Variants in ZNF169 observed in about 807,000 individuals in gnomAD.
The protein encoded by ZNF169 is zinc finger protein 169.
In ZNF169, 11 loss-of-function variants were observed where a neutral mutation model predicts 12.0. The observed-to-expected ratio is 0.92, with a 90% confidence interval of 0.58 to 1.52. The LOEUF (loss-of-function observed/expected upper bound fraction) is 1.52, where lower values mean the gene tolerates loss of function less well. Ranked by LOEUF, ZNF169 falls within the 40% of genes most tolerant of loss-of-function variation. The pLI, the probability that ZNF169 is intolerant of heterozygous loss-of-function variation, is 0.00. For missense variants in ZNF169, 722 were observed against 744.0 expected (o/e 0.97, Z 0.34); for synonymous variants, 302 against 286.5 (o/e 1.05, Z -0.55).
intron 2 of ZNF169, 45 bp downstream of exon 2, chr9:94,278,890 A>G (rs1483979791): frequency 1.2e-6 from 2 of 1,607,502 alleles, no homozygotes; most frequent in South Asian, 2.2e-5. Flanking sequence ...AAGGTTTCAT[A>G]ATCTTTTCTT....
At chr9:94,298,465 A>G (rs1830993961) in intron 4 of ZNF169, among the ~76,000 whole-genome samples, 1 of 151,394 alleles carries the variant, frequency 6.6e-6, no homozygotes, top group Non-Finnish European at 1.5e-5. Flanking sequence ...CGGATCACCT[A>G]AGGTCAGGAG....
Position 94,299,862 on chromosome 9 carries a change from T to G in ZNF169, c.304T>G (p.Ser102Ala), listed in dbSNP as rs771191188. The G allele has an allele frequency of 1.9e-6, 3 of 1,614,040 alleles. No individual in the cohort carries two copies. In the South Asian group the frequency reaches 3.3e-5, roughly 18 times the overall value. ...QPSFPHLVAF[S>A]SSQLLRQYAL... ...AAGTTTTCCCCACCTGGTGGCCTTT[T>G]CTAGCTCGCAGCTCCTCAGACAATA... The change falls in exon 5 of 5, where the codon TCT (serine) becomes GCT (alanine). Residue 102 changes from serine to alanine, a missense_variant. Ser to Ala is a moderately conservative substitution (Grantham distance 99). Transcript: ENST00000395395.
intron 1 of ZNF169, among the ~76,000 whole-genome samples, chr9:94,268,544 C>G (rs921373499): frequency 6.6e-6 from 1 of 151,972 alleles, no homozygotes; most frequent in Admixed American, 6.6e-5. Flanking sequence ...AATCCCAGCA[C>G]TTTGGGAGGC....
chr9:94,259,680 G>A (rs1230575493), intron 1 of ZNF169, among the ~76,000 whole-genome samples: 1 of 152,056 alleles, frequency 6.6e-6, no homozygotes, highest in Non-Finnish European at 1.5e-5. Flanking sequence ...GGTACTTCGG[G>A]GGCCGCTGAG....
At chr9:94,271,540 T>A (rs62578822) in intron 1 of ZNF169, among the ~76,000 whole-genome samples, 56,689 of 151,680 alleles carry the variant, frequency 0.37, 11,014 homozygotes, top group Middle Eastern at 0.45. Context: ...GCCAACGTGC[T>A]GAAACCCCAT....
At chr9:94,287,672 T>C in intron 2 of ZNF169, 5 of 1,020,882 alleles carry the variant, frequency 4.9e-6, no homozygotes, top group East Asian at 2.5e-5. Flanking sequence ...CCAAAAATAG[T>C]TTAAAATTAA....
At chr9:94,267,208 T>TC (rs1485266036) in intron 1 of ZNF169, among the ~76,000 whole-genome samples, 1 of 152,196 alleles carries the variant, frequency 6.6e-6, no homozygotes, top group East Asian at 1.9e-4. Flanking sequence ...ATACCTCTCC[T>TC]CTTGAGGTTC....
chr9:94,271,718 CAAAAAAAAA>C (rs58733917), intron 1 of ZNF169, among the ~76,000 whole-genome samples: 1 of 64,824 alleles, frequency 1.5e-5, no homozygotes, highest in Non-Finnish European at 3.2e-5. Flanking sequence ...GACTCTGTCT[CAAAAAAAAA>C]AAAAAAAAAA....
rs1831079176 is a variant in ZNF169 at position 94,301,539 on chromosome 9, C to G, written c.*169C>G. 1 of 1,290,224 alleles carries G rather than the reference C, an allele frequency of 7.8e-7. No homozygotes were observed. The highest frequency in any genetic ancestry group is 1.0e-6 in the Non-Finnish European group (1 of 975,344). 79.9% of individuals were successfully genotyped at this position (1,290,224 alleles called of 1,614,324 possible). On this transcript the variant is annotated 3_prime_UTR_variant, in exon 5 of 5. Transcript: ENST00000395395. ...AATTTGTCTTGGCTTGCTAGGGGTT[C>G]CATAACAAAGTACCCCAGGCTGGGT...
At chr9:94,260,416 G>A (rs1830181041) in intron 1 of ZNF169, among the ~76,000 whole-genome samples, 1 of 152,108 alleles carries the variant, frequency 6.6e-6, no homozygotes, top group African/African-American at 2.4e-5. Context: ...GTGCAGCTTG[G>A]CCACTAGGAC....
At chr9:94,296,790 C>T (rs939265897) in intron 4 of ZNF169, 5 of 456,704 alleles carry the variant, frequency 1.1e-5, no homozygotes, top group African/African-American at 1.0e-4. Flanking sequence ...CACTGTAAAT[C>T]CTCCATCTTC....
chr9:94,269,085 C>T (rs1320948573), intron 1 of ZNF169, among the ~76,000 whole-genome samples: 4 of 152,062 alleles, frequency 2.6e-5, no homozygotes, highest in Admixed American at 1.3e-4. Flanking sequence ...AAAAATTTTT[C>T]CTTCCCAGAG....
At chr9:94,299,104 A>G (rs1831005096) in intron 4 of ZNF169, among the ~76,000 whole-genome samples, 1 of 152,220 alleles carries the variant, frequency 6.6e-6, no homozygotes, top group African/African-American at 2.4e-5. Flanking sequence ...AGTGTTGTGC[A>G]ATGCTATTCG....
intron 2 of ZNF169, among the ~76,000 whole-genome samples, chr9:94,283,755 A>T (rs1174929276): frequency 6.6e-6 from 1 of 152,168 alleles, no homozygotes; most frequent in African/African-American, 2.4e-5. Flanking sequence ...GAATATCAGT[A>T]TAGAAAACTT....
intron 4 of ZNF169, 184 bp from the exon 5 acceptor site, chr9:94,299,631 C>T: frequency 7.2e-6 from 10 of 1,384,896 alleles, no homozygotes; most frequent in Non-Finnish European, 9.3e-6. Context: ...TTTTTTGAAC[C>T]TTTTAGTTTG....
rs865973883 is a variant in ZNF169, at chr9:94,277,863, C to T, written c.-55-895C>T. On this transcript the variant is annotated intron_variant, in intron 1 of 4. Transcript: ENST00000395395. ...AGGAGAATGGCGTGAACCCGGGAGGCGGAGCTTGCAGTGAGCCGAGATTGC... is the reference window on the plus strand; with the variant it reads ...AGGAGAATGGCGTGAACCCGGGAGGTGGAGCTTGCAGTGAGCCGAGATTGC... Among the ~76,000 whole-genome samples, 582 of 149,694 alleles carry T rather than the reference C, an allele frequency of 3.9e-3. 2 individuals carry two copies. Among genetic ancestry groups the T allele is most frequent in the African/African-American group, 0.013 (510 of 40,698 alleles).
intron 1 of ZNF169, among the ~76,000 whole-genome samples, chr9:94,271,538 G>T (rs1036388015): frequency 6.6e-6 from 1 of 151,942 alleles, no homozygotes; most frequent in Non-Finnish European, 1.5e-5. Flanking sequence ...TGGCCAACGT[G>T]CTGAAACCCC....
At chr9:94,266,994 C>T (rs189192698) in intron 1 of ZNF169, among the ~76,000 whole-genome samples, 2 of 151,834 alleles carry the variant, frequency 1.3e-5, no homozygotes, top group Admixed American at 6.6e-5. Flanking sequence ...CTGCAACCTC[C>T]GCCTCCTGGG....
chr9:94,270,932 TATA>T (rs1830406581), intron 1 of ZNF169, among the ~76,000 whole-genome samples: 1 of 44,956 alleles, frequency 2.2e-5, no homozygotes, highest in South Asian at 7.7e-4. Context: ...ATATAAATAA[TATA>T]TAATATATTA....
Sources: gnomAD v4.1 joint callset for allele counts (sites outside exome capture counted in the v4.1 genomes callset) on GRCh38, gnomAD v4.1.1 for gene constraint, MANE v1.5 for transcripts, NCBI Gene and HGNC (gene_info 2026-07-23, HGNC 2026-07-21) for gene names.